PCDHGB2: variants seen among roughly 807,000 people sequenced by gnomAD.
The protein encoded by PCDHGB2 is protocadherin gamma subfamily B, 2, also known as protocadherin gamma-B2.
Under a neutral mutation model 59.3 loss-of-function variants are expected in PCDHGB2, and 55 were observed. The ratio of observed to expected loss-of-function variants is 0.93; its 90% CI spans 0.75 to 1.16. The LOEUF (loss-of-function observed/expected upper bound fraction) is 1.16. Ranked by LOEUF, PCDHGB2 falls within the 50% of genes most tolerant of loss-of-function variation. The pLI is 0.00. For missense variants in PCDHGB2, 1,228 were observed against 1,198.5 expected (o/e 1.02, Z -0.36); for synonymous variants, 516 against 512.0 (o/e 1.01, Z -0.11).
chr5:141,370,805 C>A, intron 1 of PCDHGB2: 2 of 1,614,026 alleles, frequency 1.2e-6, no homozygotes, highest in Non-Finnish European at 1.7e-6. Context: ...GCCAAAATAT[C>A]ACTGAGCTGG....
At chr5:141,417,117 C>A (rs1199474234) in intron 1 of PCDHGB2, 3 of 151,748 alleles carry the variant, frequency 2.0e-5, no homozygotes, top group Non-Finnish European at 4.4e-5. Context: ...TACAGGACAC[C>A]CTGGATGATG....
chr5:141,403,616 C>T (rs2094434764), intron 1 of PCDHGB2: 1 of 1,613,774 alleles, frequency 6.2e-7, no homozygotes, highest in South Asian at 1.1e-5. Flanking sequence ...CGAGCCGCGT[C>T]GCTCCAGCAC....
chr5:141,406,998 A>T (rs138992041), intron 1 of PCDHGB2, among the ~76,000 whole-genome samples: 1 of 152,234 alleles, frequency 6.6e-6, no homozygotes, highest in Non-Finnish European at 1.5e-5. Context: ...ATTTGAAAAT[A>T]AGCTTTGAAG....
At chr5:141,428,275 G>C in intron 1 of PCDHGB2, 1 of 767,218 alleles carries the variant, frequency 1.3e-6, no homozygotes, top group Non-Finnish European at 2.2e-6. Context: ...TGTGCCCTCT[G>C]ATTCCCAAGC....
At chr5:141,372,049 T>TG in intron 1 of PCDHGB2, 1 of 1,613,484 alleles carries the variant, frequency 6.2e-7, no homozygotes, top group Non-Finnish European at 8.5e-7. Context: ...CGCGTGTTGG[T>TG]GGACGACCGC....
At chr5:141,370,954 A>G (rs1326457567) in intron 1 of PCDHGB2, 2 of 1,613,992 alleles carry the variant, frequency 1.2e-6, no homozygotes, top group Non-Finnish European at 1.7e-6. Context: ...GAGAACCTGG[A>G]TGGCAGTAGG....
In PCDHGB2 at chr5:141,423,130, G is replaced by A. The variant is rs770258338; in HGVS notation, c.2421+60574G>A. On this transcript the variant is annotated intron_variant, in intron 1 of 3. Coordinates refer to ENST00000522605, the MANE Select transcript of PCDHGB2 (RefSeq NM_018923.3). The stretch of plus-strand genomic sequence containing the variant: ...GGTGCGTACAGCGCGGGCACTGCTG[G>A]ACAGAGACGCGCTCAAGCAGAGCCT... The A allele has an allele frequency of 9.3e-6, 15 of 1,613,582 alleles. No individual in the cohort carries two copies. Among genetic ancestry groups the A allele is most frequent in the Middle Eastern group, 1.6e-4 (1 of 6,072 alleles).
In PCDHGB2 at chr5:141,510,950, C is replaced by T. The variant is rs770587030; in HGVS notation, c.2573C>T (p.Ala858Val). 1.2e-6 allele frequency: 2 copies of T among 1,614,126 alleles called. No homozygotes were observed. The highest frequency in any genetic ancestry group is 2.2e-5 in the South Asian group (2 of 91,078). ...QAMILASASE[A>V]ADGSSTLGGG... Reference sequence around the variant, plus strand: ...TGATCTTCCTCTGTCTCTGCAGAAGCTGCTGATGGGAGCTCCACCCTGGGA... The same window carrying T: ...TGATCTTCCTCTGTCTCTGCAGAAGTTGCTGATGGGAGCTCCACCCTGGGA... The change falls in exon 4 of 4, where the codon GCT (alanine) becomes GTT (valine). Residue 858 changes from alanine (A) to valine (V), a missense_variant. Physicochemically the swap from Ala to Val is moderately conservative, Grantham distance 64. This residue lies in a region of PCDHGB2 where 433 missense variants were observed against 441.8 expected (regional missense o/e 0.98). Transcript: ENST00000522605.
At chr5:141,375,325 G>A (rs1021429198) in intron 1 of PCDHGB2, 6 of 1,613,650 alleles carry the variant, frequency 3.7e-6, no homozygotes, top group Admixed American at 1.7e-5. Context: ...ACCGGGAAGA[G>A]GTATTCTTGT....
At chr5:141,391,471 C>G (rs2092375745) in intron 1 of PCDHGB2, 1 of 152,152 alleles carries the variant, frequency 6.6e-6, no homozygotes, top group Non-Finnish European at 1.5e-5. Flanking sequence ...GCCACCAGAC[C>G]TGGCTAATTT....
chr5:141,395,101 C>G, intron 1 of PCDHGB2: 3 of 1,614,164 alleles, frequency 1.9e-6, no homozygotes, highest in East Asian at 2.2e-5. Context: ...ACCGCCGACT[C>G]GCGGAAGAGT....
intron 1 of PCDHGB2, chr5:141,378,561 A>C (rs1775013664): frequency 6.6e-6 from 1 of 152,238 alleles, no homozygotes. Context: ...AAGAGTGAAC[A>C]TGAATTTTAA....
At chr5:141,393,357 G>C in intron 1 of PCDHGB2, 5 of 1,613,924 alleles carry the variant, frequency 3.1e-6, no homozygotes, top group Admixed American at 1.7e-5. Flanking sequence ...CTCCCTGGAC[G>C]TGCAGACTGG....
chr5:141,375,280 C>T (rs771324220), intron 1 of PCDHGB2: 1 of 1,613,676 alleles, frequency 6.2e-7, no homozygotes, highest in Non-Finnish European at 8.5e-7. Context: ...AATCAGTTGG[C>T]AATTATTATC....
At chr5:141,372,612 C>G in intron 1 of PCDHGB2, 1 of 1,614,004 alleles carries the variant, frequency 6.2e-7, no homozygotes, top group Non-Finnish European at 8.5e-7. Flanking sequence ...ACCTGGAGTT[C>G]TCCCCACCTA....
chr5:141,397,695 C>T lies in PCDHGB2; in HGVS notation c.2421+35139C>T, dbSNP rs146807025. ...AATGTATGCAGGTTTGTATAAAAAC[C>T]CAACGTGATATTTCTAACAATTTGG... On this transcript the variant is annotated intron_variant, in intron 1 of 3. Coordinates refer to ENST00000522605, the MANE Select transcript of PCDHGB2 (RefSeq NM_018923.3). 1.4e-3 allele frequency among the ~76,000 whole-genome samples: 211 copies of T among 152,210 alleles called. 1 individual carries two copies. Among genetic ancestry groups the T allele is most frequent in the African/African-American group, 4.7e-3 (197 of 41,534 alleles).
chr5:141,446,398 G>A (rs1379233102), intron 1 of PCDHGB2, among the ~76,000 whole-genome samples: 2 of 152,128 alleles, frequency 1.3e-5, no homozygotes, highest in African/African-American at 2.4e-5. Context: ...AAGAGAAATC[G>A]AGTTGAGTTC....
chr5:141,376,631 G>A (rs1250313764), intron 1 of PCDHGB2: 5 of 1,182,416 alleles, frequency 4.2e-6, no homozygotes, highest in East Asian at 2.7e-5. Context: ...AGGAAGATTC[G>A]TGATTTTGTA....
At chr5:141,377,473 G>A (rs1467921393) in intron 1 of PCDHGB2, 2 of 152,044 alleles carry the variant, frequency 1.3e-5, no homozygotes, top group Admixed American at 1.3e-4. Flanking sequence ...GCGTACACCT[G>A]TAGTCCCAGC....
Sources: allele counts gnomAD v4.1 joint callset (sites outside exome capture counted in the v4.1 genomes callset), GRCh38; gene constraint gnomAD v4.1.1; regional missense constraint gnomAD v4.1.1; transcripts MANE v1.5; gene names NCBI Gene and HGNC (gene_info 2026-07-23, HGNC 2026-07-21).